ACOT7: variants seen among roughly 807,000 people sequenced by gnomAD.
ACOT7 encodes acyl-CoA thioesterase 7.
A neutral mutation model predicts 40.2 loss-of-function variants in ACOT7; 12 were observed. The observed-to-expected ratio is 0.30, with a 90% confidence interval of 0.19 to 0.48. ACOT7 has a LOEUF of 0.48. ACOT7 is among the 20% of genes least tolerant of loss of function. The pLI, the probability that ACOT7 is intolerant of heterozygous loss-of-function variation, is 0.99. For missense variants in ACOT7, 395 were observed against 530.8 expected, an observed-to-expected ratio of 0.74 and a Z score of 2.51; for synonymous variants, 228 against 219.5, an observed-to-expected ratio of 1.04 and a Z score of -0.34.
chr1:6,318,648 C>T, intron 5 of ACOT7, 70 bp from the exon 6 acceptor site: 1 of 1,468,874 alleles, frequency 6.8e-7, no homozygotes, highest in Non-Finnish European at 9.4e-7. Flanking sequence ...TCTGGCAATG[C>T]CGAAACCACC....
intron 6 of ACOT7, among the ~76,000 whole-genome samples, chr1:6,297,859 C>G (rs1486129346): frequency 6.6e-6 from 1 of 151,972 alleles, no homozygotes; most frequent in East Asian, 1.9e-4. Context: ...GAGACGAATA[C>G]CCAGGGGCTT....
intron 1 of ACOT7, among the ~76,000 whole-genome samples, chr1:6,370,460 T>TAG (rs1557671139): frequency 6.4e-4 from 37 of 58,110 alleles, no homozygotes; most frequent in African/African-American, 3.4e-3. Flanking sequence ...AGTGTTAGTA[T>TAG]TATTATTATT....
chr1:6,392,120 A>G (rs1642542504), intron 1 of ACOT7, among the ~76,000 whole-genome samples: 1 of 152,114 alleles, frequency 6.6e-6, no homozygotes, highest in Non-Finnish European at 1.5e-5. Context: ...GAGAGTCAAG[A>G]ATCGCCATAG....
At position 6,301,505 on chromosome 1, in the gene ACOT7, C is replaced by T. The variant is rs1639972802; in HGVS notation, c.713-6525G>A. Among the ~76,000 whole-genome samples the T allele has an allele frequency of 6.6e-6, 1 of 152,146 alleles. No individual in the cohort carries two copies. Among genetic ancestry groups the T allele is most frequent in the Non-Finnish European group, 1.5e-5 (1 of 68,032 alleles). ...CAGGCTCCACACGGCACCCCCAGAC[C>T]ACACTGCATGATGTGACATGGACGC... On this transcript the variant is annotated intron_variant, in intron 6 of 8. Coordinates refer to ENST00000361521, the MANE Select transcript of ACOT7 (RefSeq NM_007274.4). This position sits in a 1 kb window ranked among gnomAD's most constrained non-coding sequence, Gnocchi z 4.1.
At chr1:6,300,193 A>C (rs1354714071) in intron 6 of ACOT7, among the ~76,000 whole-genome samples, 4 of 152,114 alleles carry the variant, frequency 2.6e-5, no homozygotes, top group Non-Finnish European at 5.9e-5. Context: ...CCTAGGAACA[A>C]ATGAGCCAGG....
rs112929539 is a variant in ACOT7, at chr1:6,349,201, C to T, written c.261+548G>A. On this transcript the variant is annotated intron_variant, in intron 2 of 8. Coordinates refer to ENST00000361521, the MANE Select transcript of ACOT7 (RefSeq NM_007274.4). ...GTCCCCAGCTTTAGGGTCACAGGGCCCTCCCGAGCTACACAATTTTGGGGC... is the reference window on the plus strand; with the variant it reads ...GTCCCCAGCTTTAGGGTCACAGGGCTCTCCCGAGCTACACAATTTTGGGGC... Among the ~76,000 whole-genome samples, 558 of 152,282 alleles carry T rather than the reference C, an allele frequency of 3.7e-3. 4 individuals are homozygous for T. Among genetic ancestry groups the T allele is most frequent in the African/African-American group, 0.013 (539 of 41,540 alleles).
chr1:6,267,118 C>T (rs756124741), intron 8 of ACOT7, among the ~76,000 whole-genome samples: 4 of 152,140 alleles, frequency 2.6e-5, no homozygotes, highest in Non-Finnish European at 5.9e-5. Flanking sequence ...CAGGAGAGAG[C>T]GAGCCTGGCC....
At chr1:6,292,372 G>A (rs927825707) in intron 7 of ACOT7, among the ~76,000 whole-genome samples, 12 of 152,360 alleles carry the variant, frequency 7.9e-5, no homozygotes, top group East Asian at 3.9e-4. Context: ...CCCTCACTGC[G>A]TGAAGGAAGC....
At chr1:6,320,532 A>G (rs1640616118) in intron 5 of ACOT7, among the ~76,000 whole-genome samples, 1 of 152,188 alleles carries the variant, frequency 6.6e-6, no homozygotes, top group Admixed American at 6.5e-5. Context: ...ATTACTTTTA[A>G]TGGGTAGCTT....
Position 6,282,628 on chromosome 1 carries a change from G to C in ACOT7, c.830-1342C>G. The C allele has an allele frequency of 1.0e-6, 1 of 979,266 alleles. No individual in the cohort carries two copies. Among genetic ancestry groups the C allele is most frequent in the Non-Finnish European group, 1.4e-6 (1 of 697,480 alleles). The allele number at this position is 979,266 out of a possible 1,614,324, so 60.7% of individuals were successfully genotyped here. ...AGAGTGAGAAAGCGGCCAGGTGGTG[G>C]CTGTTGGAGGGCGGTTAGCAGGCCA... On this transcript the variant is annotated intron_variant, in intron 7 of 8. Transcript: ENST00000361521. The surrounding 1 kb of genome is among the most constrained non-coding windows in gnomAD (Gnocchi z 4.5).
intron 5 of ACOT7, 45 bp downstream of exon 5, chr1:6,327,254 C>T: frequency 6.3e-7 from 1 of 1,593,080 alleles, no homozygotes; most frequent in Non-Finnish European, 8.6e-7. Flanking sequence ...TCCTATGCGT[C>T]CCCGGTGAGG....
chr1:6,363,925 T>C (rs1641946454), intron 1 of ACOT7, among the ~76,000 whole-genome samples: 1 of 152,132 alleles, frequency 6.6e-6, no homozygotes, highest in Non-Finnish European at 1.5e-5. Flanking sequence ...TGGTCCCAGC[T>C]ACTCAGGGGG....
At chr1:6,298,350 G>A (rs1639871114) in intron 6 of ACOT7, among the ~76,000 whole-genome samples, 1 of 152,134 alleles carries the variant, frequency 6.6e-6, no homozygotes, top group Non-Finnish European at 1.5e-5. Flanking sequence ...GACCAGGCTG[G>A]TCTCAAACTC....
At chr1:6,332,883 C>T (rs1375970401) in intron 4 of ACOT7, among the ~76,000 whole-genome samples, 2 of 152,084 alleles carry the variant, frequency 1.3e-5, no homozygotes, top group African/African-American at 4.8e-5. Flanking sequence ...CTTCCAACCA[C>T]AGCGAAGCCA....
rs1425588547 is a variant in ACOT7 at position 6,304,986 on chromosome 1, C to T, written c.713-10006G>A. On this transcript the variant is annotated intron_variant, in intron 6 of 8. Transcript: ENST00000361521. Reference sequence around the variant, plus strand: ...GTAGGGGCGGCCGGGCAGAGGCGCCCCTCACCTCCCGGACGGGGCGGCTGG... The same window carrying T: ...GTAGGGGCGGCCGGGCAGAGGCGCCTCTCACCTCCCGGACGGGGCGGCTGG... Among the ~76,000 whole-genome samples the T allele has an allele frequency of 8.8e-4, 132 of 149,828 alleles. No homozygotes were observed. The East Asian group carries it at 0.024, about 28-fold the overall frequency.
In ACOT7 at chr1:6,355,027, G is replaced by A. The variant is rs1177541165; in HGVS notation, c.144-5161C>T. Among the ~76,000 whole-genome samples, 1 of 152,034 alleles carries A rather than the reference G, an allele frequency of 6.6e-6. No individual in the cohort carries two copies. Among genetic ancestry groups the A allele is most frequent in the Non-Finnish European group, 1.5e-5 (1 of 68,002 alleles). The stretch of plus-strand genomic sequence containing the variant: ...CTAGTAAGGCATCTGGAGCTCTCAG[G>A]GATTGGGAACTTTTCCGCCTCAACT... On this transcript the variant is annotated intron_variant, in intron 1 of 8. Transcript: ENST00000361521. This position sits in a 1 kb window ranked among gnomAD's most constrained non-coding sequence, Gnocchi z 5.0.
At chr1:6,334,474 C>T (rs1247025145) in intron 3 of ACOT7, among the ~76,000 whole-genome samples, 2 of 152,266 alleles carry the variant, frequency 1.3e-5, no homozygotes, top group African/African-American at 4.8e-5. Context: ...GCCAGGGCCC[C>T]CACAGCCCAA....
intron 1 of ACOT7, among the ~76,000 whole-genome samples, chr1:6,367,885 A>C (rs570103800): frequency 1.0e-3 from 156 of 152,290 alleles, no homozygotes; most frequent in African/African-American, 3.7e-3. Flanking sequence ...TACGCAGAAA[A>C]ATGGAGAGTG....
chr1:6,307,470 G>C (rs1640188110), intron 6 of ACOT7, among the ~76,000 whole-genome samples: 1 of 152,196 alleles, frequency 6.6e-6, no homozygotes, highest in African/African-American at 2.4e-5. Flanking sequence ...ATGGTGCCTT[G>C]GAATAAAAAG....
Sources: gnomAD v4.1 joint callset for allele counts (sites outside exome capture counted in the v4.1 genomes callset) on GRCh38, gnomAD v4.1.1 for gene constraint, Gnocchi (gnomAD v3.1) non-coding constraint, MANE v1.5 for transcripts, NCBI Gene and HGNC (gene_info 2026-07-23, HGNC 2026-07-21) for gene names.